Variants in NXPH1 observed in about 807,000 individuals in gnomAD.
NXPH1 encodes the protein neurexophilin 1.
A neutral mutation model predicts 23.7 loss-of-function variants in NXPH1; 5 were observed. The ratio of observed to expected loss-of-function variants is 0.21; its 90% CI spans 0.11 to 0.44. The LOEUF (loss-of-function observed/expected upper bound fraction) is 0.44. NXPH1 is among the 20% of genes least tolerant of loss of function. The probability of loss-of-function intolerance (pLI) is 0.99; values close to 1 mark genes in which losing one functional copy is unlikely to be tolerated. For missense variants in NXPH1, 324 were observed against 321.6 expected, an observed-to-expected ratio of 1.01 and a Z score of -0.06; for synonymous variants, 144 against 122.2, an observed-to-expected ratio of 1.18 and a Z score of -1.18.
chr7:8,435,866 G>C lies in NXPH1; in HGVS notation c.54+99G>C, dbSNP rs1023346235. ...AGAAGGGTTACGCCGCCAGTTCAGTGAGAGCAGCTTCCTAGCAGCTGTGTT... is the reference window on the plus strand; with the variant it reads ...AGAAGGGTTACGCCGCCAGTTCAGTCAGAGCAGCTTCCTAGCAGCTGTGTT... On this transcript the variant is annotated intron_variant, in intron 2 of 2. Coordinates refer to ENST00000405863, the MANE Select transcript of NXPH1 (RefSeq NM_152745.3). The surrounding 1 kb of genome is among the most constrained non-coding windows in gnomAD (Gnocchi z 5.9). 1 of 1,108,094 alleles carries C rather than the reference G, an allele frequency of 9.0e-7. No individual in the cohort carries two copies. The highest frequency in any genetic ancestry group is 1.4e-6 in the Non-Finnish European group (1 of 720,296). The allele number at this position is 1,108,094 out of a possible 1,614,324, so 68.6% of individuals were successfully genotyped here. A position where few individuals can be genotyped will look rare whatever the true frequency, so the allele number is the denominator to read the frequency against.
chr7:8,642,345 C>A (rs542780159), intron 2 of NXPH1, among the ~76,000 whole-genome samples: 30 of 152,180 alleles, frequency 2.0e-4, no homozygotes, highest in Non-Finnish European at 3.2e-4. Flanking sequence ...ATGCCATTAT[C>A]ATTTCGAATA....
chr7:8,516,146 C>G (rs527644093), intron 2 of NXPH1, among the ~76,000 whole-genome samples: 124 of 152,234 alleles, frequency 8.1e-4, no homozygotes, highest in African/African-American at 2.6e-3. Context: ...GTTATCAAGA[C>G]CATTTTTTGA....
rs1363492250 is a variant in NXPH1 at position 8,729,714 on chromosome 7, A to T, written c.55-21294A>T. Among the ~76,000 whole-genome samples, 31 of 150,784 alleles carry T rather than the reference A, an allele frequency of 2.1e-4. No homozygotes were observed. The East Asian group carries it at 5.7e-3, about 27-fold the overall frequency. ...ACTGTGGTCTGAGAGATAGTTTGTT[A>T]TAATTTCTGTTCTTTTACATTTGCT... On this transcript the variant is annotated intron_variant, in intron 2 of 2. Coordinates refer to ENST00000405863, the MANE Select transcript of NXPH1 (RefSeq NM_152745.3).
At chr7:8,664,016 A>G (rs965769368) in intron 2 of NXPH1, among the ~76,000 whole-genome samples, 2 of 151,760 alleles carry the variant, frequency 1.3e-5, no homozygotes, top group Non-Finnish European at 2.9e-5. Flanking sequence ...TTTGTCTCCC[A>G]TCTTCCTAGA....
chr7:8,563,905 C>G (rs1818494223), intron 2 of NXPH1, among the ~76,000 whole-genome samples: 1 of 151,700 alleles, frequency 6.6e-6, no homozygotes, highest in South Asian at 2.1e-4. Context: ...AAGAGCAAAA[C>G]AAACAGCCAC....
At chr7:8,518,680 C>T (rs79816262) in intron 2 of NXPH1, among the ~76,000 whole-genome samples, 15 of 152,098 alleles carry the variant, frequency 9.9e-5, no homozygotes, top group African/African-American at 3.6e-4. Context: ...GAGATGAGGT[C>T]TTCCTATGTC....
intron 2 of NXPH1, among the ~76,000 whole-genome samples, chr7:8,587,593 G>A (rs528994313): frequency 3.3e-5 from 5 of 152,128 alleles, no homozygotes; most frequent in South Asian, 2.1e-4. Context: ...CCATCAATCC[G>A]TCATCTACAT....
At chr7:8,521,176 C>T (rs1817764585) in intron 2 of NXPH1, among the ~76,000 whole-genome samples, 1 of 152,096 alleles carries the variant, frequency 6.6e-6, no homozygotes, top group African/African-American at 2.4e-5. Context: ...GAATGTTTTG[C>T]ACTTAAAGAC....
At chr7:8,602,090 T>C (rs1249834146) in intron 2 of NXPH1, among the ~76,000 whole-genome samples, 4 of 152,328 alleles carry the variant, frequency 2.6e-5, no homozygotes, top group African/African-American at 9.6e-5. Flanking sequence ...CTTTTAAGAG[T>C]ACAAACACCA....
intron 2 of NXPH1, among the ~76,000 whole-genome samples, chr7:8,686,196 A>G (rs1821143434): frequency 6.6e-6 from 1 of 152,192 alleles, no homozygotes; most frequent in South Asian, 2.1e-4. Flanking sequence ...TTTAGCAAAC[A>G]TGCCTGATAT....
intron 2 of NXPH1, among the ~76,000 whole-genome samples, chr7:8,607,467 T>C (rs1216377700): frequency 1.3e-5 from 2 of 152,210 alleles, no homozygotes; most frequent in Admixed American, 6.5e-5. Context: ...TAGTTGATCA[T>C]GTTATCAGTA....
intron 2 of NXPH1, among the ~76,000 whole-genome samples, chr7:8,686,635 A>G (rs1271891326): frequency 6.6e-6 from 1 of 152,174 alleles, no homozygotes; most frequent in Non-Finnish European, 1.5e-5. Flanking sequence ...AGGTGAAGAA[A>G]GTTAGCTCCA....
intron 2 of NXPH1, among the ~76,000 whole-genome samples, chr7:8,640,334 C>T (rs1820286927): frequency 6.6e-6 from 1 of 151,734 alleles, no homozygotes; most frequent in South Asian, 2.1e-4. Context: ...TTAATAATTC[C>T]ATTAATGTTT....
At chr7:8,664,802 A>G (rs1289906749) in intron 2 of NXPH1, among the ~76,000 whole-genome samples, 2 of 152,052 alleles carry the variant, frequency 1.3e-5, no homozygotes, top group Non-Finnish European at 1.5e-5. Flanking sequence ...ATTTTTTCAT[A>G]TACTTCTTGG....
chr7:8,616,054 C>T (rs1819728912), intron 2 of NXPH1, among the ~76,000 whole-genome samples: 1 of 151,976 alleles, frequency 6.6e-6, no homozygotes, highest in African/African-American at 2.4e-5. Context: ...CTGCTCAAAT[C>T]CCTCTCATCA....
intron 2 of NXPH1, among the ~76,000 whole-genome samples, chr7:8,631,037 T>C (rs973595967): frequency 6.6e-6 from 1 of 152,200 alleles, no homozygotes; most frequent in Non-Finnish European, 1.5e-5. Context: ...TTTGGTTTTC[T>C]GTTCCTGTGT....
At chr7:8,684,030 T>A (rs1821101115) in intron 2 of NXPH1, among the ~76,000 whole-genome samples, 1 of 152,104 alleles carries the variant, frequency 6.6e-6, no homozygotes, top group South Asian at 2.1e-4. Flanking sequence ...GCACAGCACT[T>A]CAGGTAGAGA....
At chr7:8,515,095 GAA>G (rs1817667412) in intron 2 of NXPH1, among the ~76,000 whole-genome samples, 1 of 152,122 alleles carries the variant, frequency 6.6e-6, no homozygotes, top group African/African-American at 2.4e-5. Flanking sequence ...GTGAGACTAA[GAA>G]AGAGAGATTA....
intron 2 of NXPH1, among the ~76,000 whole-genome samples, chr7:8,611,800 T>C (rs1334072402): frequency 1.3e-5 from 2 of 152,108 alleles, no homozygotes; most frequent in African/African-American, 4.8e-5. Context: ...ATCCAGCCAC[T>C]CAGCATCTCT....
Sources: allele counts gnomAD v4.1 joint callset (sites outside exome capture counted in the v4.1 genomes callset), GRCh38; gene constraint gnomAD v4.1.1; non-coding constraint Gnocchi (gnomAD v3.1); transcripts MANE v1.5; gene names NCBI Gene and HGNC (gene_info 2026-07-23, HGNC 2026-07-21).